The following MAPKAP1 variants were observed in gnomAD, a reference collection of about 807,000 sequenced individuals.
MAPKAP1 encodes the protein target of rapamycin complex 2 subunit MAPKAP1.
A neutral mutation model predicts 65.7 loss-of-function variants in MAPKAP1; 20 were observed. The observed-to-expected ratio is 0.30, with a 90% CI of 0.21 to 0.44. MAPKAP1 has a LOEUF of 0.44. Among genes scored for constraint, MAPKAP1 ranks in the 20% least tolerant of loss-of-function variants. The pLI is 1.00. For synonymous variants in MAPKAP1, 222 were observed against 244.3 expected, an observed-to-expected ratio of 0.91 and a Z score of 0.85; for missense variants, 423 against 648.0, an observed-to-expected ratio of 0.65 and a Z score of 3.77.
chr9:125,521,872 T>C, intron 7 of MAPKAP1: 1 of 947,320 alleles, frequency 1.1e-6, no homozygotes, highest in Non-Finnish European at 1.6e-6. Context: ...GAGAGCAAGC[T>C]TAGAGCCAAT....
At chr9:125,522,043 T>C (rs1234087215) in intron 7 of MAPKAP1, among the ~76,000 whole-genome samples, 2 of 152,240 alleles carry the variant, frequency 1.3e-5, no homozygotes, top group African/African-American at 2.4e-5. Context: ...CTTGACAGGA[T>C]TTTGAGCAGA....
intron 7 of MAPKAP1, among the ~76,000 whole-genome samples, chr9:125,515,509 A>T (rs2133104085): frequency 6.6e-6 from 1 of 152,354 alleles, no homozygotes; most frequent in Admixed American, 6.5e-5. Flanking sequence ...ATCAATACTC[A>T]TCTAAATGTA....
At chr9:125,496,374 C>G (rs752560203) in intron 8 of MAPKAP1, among the ~76,000 whole-genome samples, 15 of 152,250 alleles carry the variant, frequency 9.9e-5, no homozygotes, top group Non-Finnish European at 2.2e-4. Context: ...GACAGGTTAA[C>G]TGGCTTTCAG....
chr9:125,669,792 T>A, intron 3 of MAPKAP1, 26 bp downstream of exon 3: 3 of 1,214,536 alleles, frequency 2.5e-6, no homozygotes, highest in Non-Finnish European at 3.5e-6. Flanking sequence ...AATCTCAAAT[T>A]AAGAATTAAA....
chr9:125,623,007 G>A (rs556307282), intron 4 of MAPKAP1, among the ~76,000 whole-genome samples: 27 of 152,016 alleles, frequency 1.8e-4, no homozygotes, highest in South Asian at 6.2e-4. Context: ...TGTGTTGGCC[G>A]GGCCGGTCTC....
At chr9:125,506,517 G>T in intron 7 of MAPKAP1, 100 bp from the exon 8 acceptor site, 1 of 997,272 alleles carries the variant, frequency 1.0e-6, no homozygotes, top group Non-Finnish European at 1.6e-6. Flanking sequence ...TAAAGCCTTA[G>T]TAAAGTGTTA....
chr9:125,658,959 T>C (rs902437727), intron 3 of MAPKAP1, among the ~76,000 whole-genome samples: 2 of 151,966 alleles, frequency 1.3e-5, no homozygotes, highest in Non-Finnish European at 2.9e-5. Context: ...CAAAAAAAAA[T>C]GTAACTGCAG....
At chr9:125,560,796 A>G (rs889730623) in intron 5 of MAPKAP1, among the ~76,000 whole-genome samples, 1 of 152,168 alleles carries the variant, frequency 6.6e-6, no homozygotes, top group Non-Finnish European at 1.5e-5. Context: ...CCTCTTGACT[A>G]CTTCTGCACA....
chr9:125,503,880 CTTTTTTTTTTTT>C (rs35867576), intron 8 of MAPKAP1, among the ~76,000 whole-genome samples: 2,299 of 66,296 alleles, frequency 0.035, 57 homozygotes, highest in South Asian at 0.09. Context: ...CCACGCTTGG[CTTTTTTTTTTTT>C]TTTTTTTTTT....
intron 4 of MAPKAP1, among the ~76,000 whole-genome samples, chr9:125,631,793 G>T (rs1833289949): frequency 6.6e-6 from 1 of 152,098 alleles, no homozygotes; most frequent in Non-Finnish European, 1.5e-5. Context: ...GTTTACACCA[G>T]CACTTCACCT....
chr9:125,473,113 C>T (rs1414074300), intron 9 of MAPKAP1, among the ~76,000 whole-genome samples: 1 of 144,574 alleles, frequency 6.9e-6, no homozygotes, highest in Non-Finnish European at 1.5e-5. Context: ...ATTTCTTTAA[C>T]AGAACTTCTA....
chr9:125,438,715 G>T lies in MAPKAP1; in HGVS notation c.*172C>A. The T allele has an allele frequency of 2.8e-6, 2 of 711,180 alleles. No homozygotes were observed. Among genetic ancestry groups the T allele is most frequent in the South Asian group, 1.9e-5 (1 of 52,214 alleles). 44.1% of individuals were successfully genotyped at this position (711,180 alleles called of 1,614,324 possible). On this transcript the variant is annotated 3_prime_UTR_variant, in exon 12 of 12. Coordinates refer to ENST00000265960, the MANE Select transcript of MAPKAP1 (RefSeq NM_001006617.3). ...TCCGTCCCATGGCAATGTCCCCAGC[G>T]CTCCCTCCTAGGGGGCCCCCGACAC...
intron 4 of MAPKAP1, among the ~76,000 whole-genome samples, chr9:125,616,983 T>C (rs1462930188): frequency 6.6e-6 from 1 of 152,226 alleles, no homozygotes; most frequent in African/African-American, 2.4e-5. Context: ...TCTATGAAAA[T>C]AGTTTCCATA....
At chr9:125,691,657 G>T (rs1453630543) in intron 1 of MAPKAP1, among the ~76,000 whole-genome samples, 1 of 151,932 alleles carries the variant, frequency 6.6e-6, no homozygotes, top group South Asian at 2.1e-4. Flanking sequence ...AGGGTAGCCT[G>T]AAGGAAAAAC....
At chr9:125,617,495 G>A (rs1412935748) in intron 4 of MAPKAP1, among the ~76,000 whole-genome samples, 1 of 152,168 alleles carries the variant, frequency 6.6e-6, no homozygotes, top group African/African-American at 2.4e-5. Flanking sequence ...GTAAGTCTCT[G>A]CCAAGGGGTA....
chr9:125,676,581 A>G (rs1034493478), intron 1 of MAPKAP1, among the ~76,000 whole-genome samples: 1 of 152,236 alleles, frequency 6.6e-6, no homozygotes, highest in African/African-American at 2.4e-5. Flanking sequence ...AAACTGACAG[A>G]AAGTCTAACA....
chr9:125,522,865 G>C (rs1829659379), intron 7 of MAPKAP1, among the ~76,000 whole-genome samples: 1 of 152,100 alleles, frequency 6.6e-6, no homozygotes, highest in Non-Finnish European at 1.5e-5. Flanking sequence ...GTGCATATAT[G>C]TCCTGGTTTC....
intron 3 of MAPKAP1, among the ~76,000 whole-genome samples, chr9:125,662,620 T>A (rs988487727): frequency 2.0e-5 from 3 of 152,000 alleles, no homozygotes; most frequent in Non-Finnish European, 4.4e-5. Context: ...GAGGCGGAGC[T>A]TGCAGTGAGC....
intron 4 of MAPKAP1, among the ~76,000 whole-genome samples, chr9:125,634,813 G>C (rs1490757929): frequency 6.6e-6 from 1 of 152,194 alleles, no homozygotes; most frequent in African/African-American, 2.4e-5. Flanking sequence ...ACTTTCACGA[G>C]CATCTTCTAT....
Sources: allele counts gnomAD v4.1 joint callset (sites outside exome capture counted in the v4.1 genomes callset), GRCh38; gene constraint gnomAD v4.1.1; transcripts MANE v1.5; gene names NCBI Gene and HGNC (gene_info 2026-07-23, HGNC 2026-07-21).